The following CDH18 variants were observed in gnomAD, a reference collection of about 807,000 sequenced individuals.
CDH18 encodes cadherin-18.
CDH18 carries 31 observed loss-of-function variants against 67.9 expected under a neutral mutation model. That is an observed-to-expected ratio of 0.46 (90% CI 0.34 to 0.62). CDH18 has a LOEUF of 0.62. Ranked by LOEUF, CDH18 falls within the 20% of genes least tolerant of loss-of-function variation. The probability of loss-of-function intolerance (pLI) is 0.01; values close to 1 mark genes in which losing one functional copy is unlikely to be tolerated. For synonymous variants in CDH18, 362 were observed against 347.2 expected (o/e 1.04, Z -0.48); for missense variants, 890 against 975.5 (o/e 0.91, Z 1.17).
chr5:19,548,304 TAAA>T (rs3036706), intron 8 of CDH18, among the ~76,000 whole-genome samples: 1 of 148,916 alleles, frequency 6.7e-6, no homozygotes, highest in Non-Finnish European at 1.5e-5. Context: ...GATTTTAAAT[TAAA>T]AAAAAAAAAA....
chr5:20,504,511 C>A (rs543673306), intron 1 of CDH18, among the ~76,000 whole-genome samples: 1 of 152,202 alleles, frequency 6.6e-6, no homozygotes, highest in Admixed American at 6.5e-5. Flanking sequence ...TCCATGAACT[C>A]GTTTTTTCTC....
rs541661741 is a variant in CDH18 at position 20,085,020 on chromosome 5, G to A, written c.-517-93006C>T. Among the ~76,000 whole-genome samples the A allele has an allele frequency of 2.6e-5, 4 of 152,282 alleles. No homozygotes were observed. The South Asian group carries it at 8.3e-4, about 32-fold the overall frequency. On this transcript the variant is annotated intron_variant, in intron 2 of 14. Transcript: ENST00000507958. Reference sequence around the variant, plus strand: ...ATTACCTATGCAAATTTCTGCAGCTGGCTTGAGTTTCTCCTCAGAAATGGG... The same window carrying A: ...ATTACCTATGCAAATTTCTGCAGCTAGCTTGAGTTTCTCCTCAGAAATGGG...
chr5:20,203,749 C>T (rs564375509), intron 2 of CDH18, among the ~76,000 whole-genome samples: 21 of 151,630 alleles, frequency 1.4e-4, no homozygotes, highest in African/African-American at 4.6e-4. Context: ...TAGAGAACCA[C>T]GACCTCCCTA....
At chr5:19,700,455 A>G (rs1260929013) in intron 5 of CDH18, among the ~76,000 whole-genome samples, 3 of 152,286 alleles carry the variant, frequency 2.0e-5, no homozygotes, top group South Asian at 2.1e-4. Context: ...CTCTGTGTAT[A>G]CAAACAGTGT....
chr5:19,499,400 C>G (rs550371759), intron 11 of CDH18, among the ~76,000 whole-genome samples: 1 of 151,820 alleles, frequency 6.6e-6, no homozygotes, highest in Non-Finnish European at 1.5e-5. Context: ...CATATATGTG[C>G]TATATATACA....
intron 3 of CDH18, among the ~76,000 whole-genome samples, chr5:19,788,507 G>A (rs1341674933): frequency 1.3e-5 from 2 of 152,014 alleles, no homozygotes; most frequent in Admixed American, 6.6e-5. Flanking sequence ...ACTATGAAAC[G>A]GATGCTGTTA....
intron 1 of CDH18, among the ~76,000 whole-genome samples, chr5:20,361,361 CT>C (rs1175037123): frequency 1.3e-5 from 2 of 151,850 alleles, no homozygotes; most frequent in African/African-American, 4.8e-5. Context: ...TCATTTTATA[CT>C]AAAAAAAGAT....
intron 11 of CDH18, among the ~76,000 whole-genome samples, chr5:19,488,093 A>G (rs2126637746): frequency 6.6e-6 from 1 of 152,198 alleles, no homozygotes; most frequent in East Asian, 1.9e-4. Context: ...TATATGTCTC[A>G]TTTTTTTGTT....
At chr5:19,868,356 C>T (rs1054851004) in intron 2 of CDH18, among the ~76,000 whole-genome samples, 4 of 151,938 alleles carry the variant, frequency 2.6e-5, no homozygotes, top group Non-Finnish European at 5.9e-5. Flanking sequence ...ACTAGAGAAG[C>T]CATTATAATT....
chr5:20,399,757 T>C (rs568633409), intron 1 of CDH18, among the ~76,000 whole-genome samples: 3 of 152,360 alleles, frequency 2.0e-5, no homozygotes, highest in African/African-American at 4.8e-5. Flanking sequence ...TTTTTAATTA[T>C]AGGCTTACTC....
At chr5:20,387,212 T>G (rs1229319307) in intron 1 of CDH18, among the ~76,000 whole-genome samples, 1 of 152,224 alleles carries the variant, frequency 6.6e-6, no homozygotes, top group Non-Finnish European at 1.5e-5. Context: ...GCATGGAATA[T>G]TCTTCCACTT....
At chr5:19,820,628 T>C (rs1194504658) in intron 3 of CDH18, among the ~76,000 whole-genome samples, 3 of 152,052 alleles carry the variant, frequency 2.0e-5, no homozygotes, top group African/African-American at 7.2e-5. Context: ...TGTGAGAGAG[T>C]GCAGCCTGCC....
intron 3 of CDH18, among the ~76,000 whole-genome samples, chr5:19,786,967 C>G (rs920552712): frequency 3.3e-5 from 5 of 152,056 alleles, no homozygotes; most frequent in Non-Finnish European, 1.5e-5. Flanking sequence ...CTAAACTTCA[C>G]AAGCCAAAGA....
chr5:19,723,385 T>C (rs1342047991), intron 4 of CDH18, among the ~76,000 whole-genome samples: 2 of 152,224 alleles, frequency 1.3e-5, no homozygotes, highest in African/African-American at 2.4e-5. Flanking sequence ...CAAGCTCACC[T>C]AACAATCCTT....
intron 2 of CDH18, among the ~76,000 whole-genome samples, chr5:19,967,510 T>G (rs1797575044): frequency 6.6e-6 from 1 of 152,112 alleles, no homozygotes; most frequent in Non-Finnish European, 1.5e-5. Context: ...ATAACTTGCC[T>G]GTGGTGATAT....
chr5:19,590,099 T>C (rs1744845932), intron 7 of CDH18, among the ~76,000 whole-genome samples: 1 of 152,144 alleles, frequency 6.6e-6, no homozygotes, highest in South Asian at 2.1e-4. Context: ...TCCAGACTTA[T>C]CCTTCTTATT....
intron 1 of CDH18, among the ~76,000 whole-genome samples, chr5:20,283,444 T>A (rs1344097554): frequency 6.6e-6 from 1 of 151,920 alleles, no homozygotes; most frequent in Non-Finnish European, 1.5e-5. Context: ...GCAAAAAATC[T>A]GAATAGACAC....
intron 2 of CDH18, among the ~76,000 whole-genome samples, chr5:20,021,230 T>G (rs990076429): frequency 6.6e-6 from 1 of 152,082 alleles, no homozygotes; most frequent in African/African-American, 2.4e-5. Context: ...TTATTTTTAA[T>G]TTTACTGTCT....
At chr5:19,572,378 TATTTATGCCACTG>T (rs1330624964) in intron 7 of CDH18, among the ~76,000 whole-genome samples, 3 of 152,228 alleles carry the variant, frequency 2.0e-5, no homozygotes. Context: ...TTTTCATTTC[TATTTATGCCACTG>T]ATTTTGTACA....
Sources: gnomAD v4.1 joint callset for allele counts (sites outside exome capture counted in the v4.1 genomes callset) on GRCh38, gnomAD v4.1.1 for gene constraint, MANE v1.5 for transcripts, NCBI Gene and HGNC (gene_info 2026-07-23, HGNC 2026-07-21) for gene names.